Variants in NPHS2 observed in about 807,000 individuals in gnomAD.
NPHS2 encodes podocin.
A neutral mutation model predicts 37.1 loss-of-function variants in NPHS2; 36 were observed. That is an observed-to-expected ratio of 0.97 (90% CI 0.74 to 1.28). NPHS2 has a LOEUF of 1.28. Ranked by LOEUF, NPHS2 falls within the 50% of genes most tolerant of loss-of-function variation. The pLI, the probability that NPHS2 is intolerant of heterozygous loss-of-function variation, is 0.00. For missense variants in NPHS2, 447 were observed against 488.1 expected (o/e 0.92, Z 0.79); for synonymous variants, 196 against 189.3 (o/e 1.04, Z -0.29).
chr1:179,551,185 A>T lies in NPHS2; in HGVS notation c.1140T>A (p.Ser380=), dbSNP rs199753342. 1.9e-6 allele frequency: 3 copies of T among 1,613,968 alleles called. No individual in the cohort carries two copies. Among genetic ancestry groups the T allele is most frequent in the Non-Finnish European group, 2.5e-6 (3 of 1,179,974 alleles). The part of the protein sequence containing the change: ...VEPLNPKKKD[S]PML ...TGCCCCATCCTTCCTATAACATGGGAGAGTCTTTCTTTTTAGGATTTAGTG... is the reference window on the plus strand; with the variant it reads ...TGCCCCATCCTTCCTATAACATGGGTGAGTCTTTCTTTTTAGGATTTAGTG... The change falls in exon 8 of 8, where the codon TCT becomes TCA. Residue 380 remains serine (S), a synonymous_variant. Transcript: ENST00000367615.
chr1:179,561,774 A>G (rs986602532), intron 2 of NPHS2, among the ~76,000 whole-genome samples: 2 of 151,874 alleles, frequency 1.3e-5, no homozygotes, highest in African/African-American at 4.8e-5. Context: ...TCAGAGTGCA[A>G]TTTCTTCTGA....
intron 5 of NPHS2, among the ~76,000 whole-genome samples, chr1:179,555,730 G>A (rs1366901666): frequency 6.6e-6 from 1 of 152,238 alleles, no homozygotes; most frequent in African/African-American, 2.4e-5. Context: ...AGTGCTGAAT[G>A]CTGGACAAAA....
At chr1:179,552,532 G>T in intron 7 of NPHS2, 71 bp downstream of exon 7, 1 of 1,206,772 alleles carries the variant, frequency 8.3e-7, no homozygotes, top group Non-Finnish European at 1.2e-6. Flanking sequence ...CAGTAAGGAA[G>T]CAAAGGGGAA....
At chr1:179,574,063 G>T (rs1337632982) in intron 1 of NPHS2, among the ~76,000 whole-genome samples, 1 of 152,094 alleles carries the variant, frequency 6.6e-6, no homozygotes, top group African/African-American at 2.4e-5. Flanking sequence ...TCTGTTCCCC[G>T]TGAGCTTCAG....
chr1:179,558,703 A>C (rs1402293442), intron 4 of NPHS2, among the ~76,000 whole-genome samples: 2 of 152,162 alleles, frequency 1.3e-5, no homozygotes, highest in East Asian at 3.9e-4. Context: ...TCCTACCAAC[A>C]GTGCACGAGG....
chr1:179,554,085 G>A (rs1292887201), intron 6 of NPHS2, among the ~76,000 whole-genome samples: 2 of 152,012 alleles, frequency 1.3e-5, no homozygotes, highest in African/African-American at 2.4e-5. Context: ...GCTAATTTTT[G>A]CATTTTTAGT....
At chr1:179,554,752 G>C in intron 5 of NPHS2, 1 of 620,476 alleles carries the variant, frequency 1.6e-6, no homozygotes, top group African/African-American at 1.8e-5. Context: ...GTGGTATGCT[G>C]AATAATGGTC....
intron 1 of NPHS2, among the ~76,000 whole-genome samples, chr1:179,571,361 T>G (rs575923233): frequency 6.6e-6 from 1 of 152,292 alleles, no homozygotes; most frequent in African/African-American, 2.4e-5. Context: ...AGAGTTCCAC[T>G]CCAGACCCCG....
At chr1:179,559,266 G>A (rs1240489605) in intron 4 of NPHS2, among the ~76,000 whole-genome samples, 1 of 152,162 alleles carries the variant, frequency 6.6e-6, no homozygotes, top group Non-Finnish European at 1.5e-5. Flanking sequence ...TGATTTAAAT[G>A]TTAATCCCAT....
chr1:179,575,568 A>T (rs371575375), intron 1 of NPHS2, 23 bp downstream of exon 1: 112 of 1,599,768 alleles, frequency 7.0e-5, no homozygotes, highest in Non-Finnish European at 9.2e-5. Flanking sequence ...GAAAAGTAGC[A>T]GATAGTGGTG....
rs533514849 is a variant in NPHS2 at position 179,556,719 on chromosome 1, C to T, written c.738+308G>A. ...TACCAACCCCTCCTGTCCATCCCCA[C>T]CAACCCCACCGTTCCTGCCAGCAAT... On this transcript the variant is annotated intron_variant, in intron 5 of 7. Transcript: ENST00000367615. The surrounding 1 kb of genome is among the most constrained non-coding windows in gnomAD (Gnocchi z 4.1). Among the ~76,000 whole-genome samples the T allele has an allele frequency of 6.6e-6, 1 of 152,282 alleles. No individual in the cohort carries two copies. Among genetic ancestry groups the T allele is most frequent in the South Asian group, 2.1e-4 (1 of 4,816 alleles).
At chr1:179,551,530 G>T in intron 7 of NPHS2, 79 bp from the exon 8 acceptor site, 1 of 1,526,388 alleles carries the variant, frequency 6.6e-7, no homozygotes, top group Non-Finnish European at 9.0e-7. Context: ...TGACTCAGCA[G>T]ACAAGCACTG....
At chr1:179,557,280 C>T in intron 4 of NPHS2, 50 bp from the exon 5 acceptor site, 1 of 1,469,924 alleles carries the variant, frequency 6.8e-7, no homozygotes, top group African/African-American at 1.4e-5. Context: ...GGCTCCTTTC[C>T]TATGTGGGGT....
chr1:179,565,115 A>T (rs1287982294), intron 1 of NPHS2, among the ~76,000 whole-genome samples: 1 of 152,120 alleles, frequency 6.6e-6, no homozygotes, highest in Non-Finnish European at 1.5e-5. Flanking sequence ...TACAAAAAAA[A>T]AATTAAAAAC....
chr1:179,570,707 C>G (rs759157486), intron 1 of NPHS2, among the ~76,000 whole-genome samples: 1 of 152,216 alleles, frequency 6.6e-6, no homozygotes, highest in African/African-American at 2.4e-5. Context: ...CCAATCCAAA[C>G]ATAGATTTGG....
chr1:179,556,895 C>CT lies in NPHS2; in HGVS notation c.738+131dup. On this transcript the variant is annotated intron_variant, in intron 5 of 7. Coordinates refer to ENST00000367615, the MANE Select transcript of NPHS2 (RefSeq NM_014625.4). This position sits in a 1 kb window ranked among gnomAD's most constrained non-coding sequence, Gnocchi z 4.1. Reference sequence around the variant, plus strand: ...CAGAGTCAATTTGGCAACCTCCTAACTAGCTATGAGCTCCCAAAGGGATGG... The same window carrying CT: ...CAGAGTCAATTTGGCAACCTCCTAACTTAGCTATGAGCTCCCAAAGGGATGG... The CT allele has an allele frequency of 1.2e-6, 1 of 844,946 alleles. No individual in the cohort carries two copies. Among genetic ancestry groups the CT allele is most frequent in the Non-Finnish European group, 1.9e-6 (1 of 522,812 alleles). The allele number at this position is 844,946 out of a possible 1,614,324, so 52.3% of individuals were successfully genotyped here.
At chr1:179,566,747 T>TGTAA (rs1674347879) in intron 1 of NPHS2, among the ~76,000 whole-genome samples, 2 of 152,228 alleles carry the variant, frequency 1.3e-5, no homozygotes, top group Admixed American at 1.3e-4. Flanking sequence ...TTGTGTAAGG[T>TGTAA]GTAAGGAAGG....
intron 1 of NPHS2, among the ~76,000 whole-genome samples, chr1:179,572,613 T>C (rs543556077): frequency 1.2e-4 from 19 of 152,326 alleles, no homozygotes; most frequent in African/African-American, 3.1e-4. Flanking sequence ...GTAAGAGTTA[T>C]GAAAATTTCA....
At chr1:179,559,060 G>T (rs1459450466) in intron 4 of NPHS2, among the ~76,000 whole-genome samples, 2 of 152,100 alleles carry the variant, frequency 1.3e-5, no homozygotes, top group African/African-American at 4.8e-5. Context: ...CTGATTTAAA[G>T]AATTGGCTCA....
Sources: gnomAD v4.1 joint callset for allele counts (sites outside exome capture counted in the v4.1 genomes callset) on GRCh38, gnomAD v4.1.1 for gene constraint, Gnocchi (gnomAD v3.1) non-coding constraint, MANE v1.5 for transcripts, NCBI Gene and HGNC (gene_info 2026-07-23, HGNC 2026-07-21) for gene names.